Variants in ASTN2 observed in about 807,000 individuals in gnomAD.
ASTN2 encodes astrotactin 2.
A neutral mutation model predicts 139.8 loss-of-function variants in ASTN2; 54 were observed. That is an observed-to-expected ratio of 0.39 (90% CI 0.31 to 0.48). ASTN2 has a LOEUF of 0.48. Among genes scored for constraint, ASTN2 ranks in the 20% least tolerant of loss-of-function variants. The pLI, the probability that ASTN2 is intolerant of heterozygous loss-of-function variation, is 0.95. For missense variants in ASTN2, 1,565 were observed against 1,725.1 expected (o/e 0.91, Z 1.64); for synonymous variants, 756 against 719.5 (o/e 1.05, Z -0.81).
intron 10 of ASTN2, among the ~76,000 whole-genome samples, chr9:116,931,238 C>G (rs1229608947): frequency 1.3e-5 from 2 of 152,174 alleles, no homozygotes; most frequent in African/African-American, 2.4e-5. Flanking sequence ...TCAAACTGAT[C>G]TTTATGCTTT....
At chr9:116,776,800 C>G (rs1208660932) in intron 13 of ASTN2, among the ~76,000 whole-genome samples, 9 of 152,102 alleles carry the variant, frequency 5.9e-5, no homozygotes, top group African/African-American at 2.2e-4. Flanking sequence ...TCCAGTAAGC[C>G]TGGTGTCAAT....
intron 10 of ASTN2, among the ~76,000 whole-genome samples, chr9:116,878,975 G>T (rs548507162): frequency 1.4e-4 from 22 of 152,042 alleles, no homozygotes; most frequent in Non-Finnish European, 2.9e-4. Context: ...TTCAGGGTGT[G>T]CCCTGCTGCT....
chr9:116,425,921 G>A lies in ASTN2; in HGVS notation c.3950C>T (p.Thr1317Ile). Residue 1317 changes from threonine (T) to isoleucine (I), a missense_variant, in exon 23 of 23, where the codon ACC (threonine) becomes ATC (isoleucine). This residue lies in a region of ASTN2 where 418 missense variants were observed against 465.8 expected (regional missense o/e 0.90). Coordinates refer to ENST00000313400, the MANE Select transcript of ASTN2 (RefSeq NM_001365068.1). ...GMVWYSILKD[T>I]KITCEEKMVS... is the part of the protein sequence containing the mutation. Reference sequence around the variant, plus strand: ...CATCTTCTCCTCACACGTGATTTTGGTGTCCTTGAGGATGCTATACCACAC... The same window carrying A: ...CATCTTCTCCTCACACGTGATTTTGATGTCCTTGAGGATGCTATACCACAC... 6.2e-7 allele frequency: 1 copy of A among 1,614,100 alleles called. No homozygotes were observed. Among genetic ancestry groups the A allele is most frequent in the Non-Finnish European group, 8.5e-7 (1 of 1,180,030 alleles).
chr9:116,771,809 A>G (rs1187632532), intron 13 of ASTN2, among the ~76,000 whole-genome samples: 2 of 152,254 alleles, frequency 1.3e-5, no homozygotes, highest in East Asian at 1.9e-4. Flanking sequence ...GCCATGCCCA[A>G]CTGGAATATG....
chr9:117,367,782 T>C (rs958734981), intron 1 of ASTN2, among the ~76,000 whole-genome samples: 5 of 152,164 alleles, frequency 3.3e-5, no homozygotes, highest in African/African-American at 4.8e-5. Context: ...CTCAGACATA[T>C]AGAACTTGGC....
chr9:117,027,809 T>C (rs1390385145), intron 6 of ASTN2, among the ~76,000 whole-genome samples: 2 of 152,166 alleles, frequency 1.3e-5, no homozygotes, highest in African/African-American at 4.8e-5. Flanking sequence ...ATGACACATG[T>C]GATCCCTGTG....
At chr9:117,233,353 C>T (rs1053551534) in intron 2 of ASTN2, among the ~76,000 whole-genome samples, 13 of 152,180 alleles carry the variant, frequency 8.5e-5, no homozygotes, top group Admixed American at 2.0e-4. Flanking sequence ...TTGGGCAAGT[C>T]GCTCAATACC....
At chr9:116,969,949 G>A (rs950440239) in intron 10 of ASTN2, among the ~76,000 whole-genome samples, 1 of 152,198 alleles carries the variant, frequency 6.6e-6, no homozygotes, top group Admixed American at 6.5e-5. Context: ...AAATCAAGGT[G>A]TCAGCAAGGT....
At position 116,500,414 on chromosome 9, in the gene ASTN2, G is replaced by A. The variant is rs116756534; in HGVS notation, c.3356-12914C>T. Among the ~76,000 whole-genome samples the A allele has an allele frequency of 3.5e-3, 526 of 152,302 alleles. 3 individuals carry two copies. The highest frequency in any genetic ancestry group is 0.012 in the African/African-American group (498 of 41,580). On this transcript the variant is annotated intron_variant, in intron 19 of 22. Transcript: ENST00000313400. ...TCACACATTTCTAACCCCTGATCCCGTGCTGCTGTAGCTATAGCTTGTGCT... is the reference window on the plus strand; with the variant it reads ...TCACACATTTCTAACCCCTGATCCCATGCTGCTGTAGCTATAGCTTGTGCT...
intron 5 of ASTN2, among the ~76,000 whole-genome samples, chr9:117,070,735 C>G (rs1260259772): frequency 6.6e-6 from 1 of 150,942 alleles, no homozygotes; most frequent in African/African-American, 2.4e-5. Context: ...CTCTAAACTT[C>G]CCTTCTCACT....
At chr9:116,830,162 T>G (rs7021326) in intron 11 of ASTN2, among the ~76,000 whole-genome samples, 120,799 of 152,182 alleles carry the variant, frequency 0.79, 48,136 homozygotes, top group East Asian at 0.92. Context: ...CCATTAAAAA[T>G]TGGGCAAAAG....
At chr9:116,530,071 C>A (rs530308817) in intron 19 of ASTN2, among the ~76,000 whole-genome samples, 1 of 125,574 alleles carries the variant, frequency 8.0e-6, no homozygotes, top group African/African-American at 2.9e-5. Flanking sequence ...GAGTATTCAT[C>A]AGTGGATGAA....
intron 11 of ASTN2, among the ~76,000 whole-genome samples, chr9:116,850,583 C>G (rs1211800187): frequency 6.6e-6 from 1 of 152,196 alleles, no homozygotes; most frequent in Non-Finnish European, 1.5e-5. Flanking sequence ...AGGATGGAGA[C>G]TGAGATACCA....
At chr9:116,457,036 G>A (rs763047881) in intron 20 of ASTN2, among the ~76,000 whole-genome samples, 60 of 152,082 alleles carry the variant, frequency 3.9e-4, no homozygotes, top group Non-Finnish European at 7.5e-4. Context: ...ACAGAACTCA[G>A]AAATAAATCC....
At chr9:117,223,397 T>C (rs961427094) in intron 2 of ASTN2, among the ~76,000 whole-genome samples, 1 of 152,212 alleles carries the variant, frequency 6.6e-6, no homozygotes, top group South Asian at 2.1e-4. Context: ...GTCCCAAATG[T>C]CAATAGCGCA....
At chr9:117,071,118 G>GT (rs376632121) in intron 5 of ASTN2, among the ~76,000 whole-genome samples, 1 of 139,394 alleles carries the variant, frequency 7.2e-6, no homozygotes, top group South Asian at 2.4e-4. Context: ...TTTCTGTTCT[G>GT]TTTTTTTCCC....
At chr9:116,800,740 G>C (rs766634903) in intron 13 of ASTN2, among the ~76,000 whole-genome samples, 2 of 152,232 alleles carry the variant, frequency 1.3e-5, no homozygotes, top group Non-Finnish European at 2.9e-5. Context: ...CATGAGAGGA[G>C]TTCCAATCAC....
At chr9:116,921,574 C>T (rs962750803) in intron 10 of ASTN2, among the ~76,000 whole-genome samples, 8 of 115,606 alleles carry the variant, frequency 6.9e-5, no homozygotes, top group East Asian at 2.2e-4. Flanking sequence ...GGCGACCGAG[C>T]GAGACTCCGT....
chr9:117,213,436 A>G (rs7852115), intron 3 of ASTN2, among the ~76,000 whole-genome samples: 49,627 of 152,042 alleles, frequency 0.33, 8,254 homozygotes, highest in East Asian at 0.42. Context: ...TCAAATAACT[A>G]GGAGCTTATT....
Sources: allele counts gnomAD v4.1 joint callset (sites outside exome capture counted in the v4.1 genomes callset), GRCh38; gene constraint gnomAD v4.1.1; regional missense constraint gnomAD v4.1.1; transcripts MANE v1.5; gene names NCBI Gene and HGNC (gene_info 2026-07-23, HGNC 2026-07-21).